Variants in OPCML observed in about 807,000 individuals in gnomAD.
The protein encoded by OPCML is opioid-binding protein/cell adhesion molecule.
In OPCML, 13 loss-of-function variants were observed where a neutral mutation model predicts 37.8. The ratio of observed to expected loss-of-function variants is 0.34; its 90% confidence interval spans 0.22 to 0.55. OPCML has a LOEUF of 0.55. Ranked by LOEUF, OPCML falls within the 20% of genes least tolerant of loss-of-function variation. The pLI, the probability that OPCML is intolerant of heterozygous loss-of-function variation, is 0.91. For missense variants in OPCML, 341 were observed against 435.6 expected, an observed-to-expected ratio of 0.78 and a Z score of 1.93; for synonymous variants, 176 against 168.8, an observed-to-expected ratio of 1.04 and a Z score of -0.33.
intron 1 of OPCML, among the ~76,000 whole-genome samples, chr11:133,269,393 G>T (rs1941754997): frequency 1.3e-5 from 2 of 152,128 alleles, no homozygotes; most frequent in Non-Finnish European, 2.9e-5. Context: ...GAGCCACAAG[G>T]TGCTTCTTTT....
intron 1 of OPCML, among the ~76,000 whole-genome samples, chr11:133,515,541 GA>G (rs1948248937): frequency 6.6e-6 from 1 of 152,216 alleles, no homozygotes; most frequent in Non-Finnish European, 1.5e-5. Context: ...TCAAGTTCGA[GA>G]AGCTAATACA....
At chr11:132,883,692 ATG>A (rs1418967898) in intron 2 of OPCML, among the ~76,000 whole-genome samples, 1 of 152,226 alleles carries the variant, frequency 6.6e-6, no homozygotes, top group South Asian at 2.1e-4. Flanking sequence ...TAACATTATT[ATG>A]TGTCAACTGT....
At chr11:132,802,769 T>A (rs1389551439) in intron 2 of OPCML, among the ~76,000 whole-genome samples, 2 of 152,104 alleles carry the variant, frequency 1.3e-5, no homozygotes, top group South Asian at 4.1e-4. Flanking sequence ...TTTCTCCAGT[T>A]TCCAGGGCCA....
intron 4 of OPCML, among the ~76,000 whole-genome samples, chr11:132,514,682 G>A (rs555347505): frequency 6.6e-6 from 1 of 152,234 alleles, no homozygotes; most frequent in East Asian, 1.9e-4. Flanking sequence ...TGTTCCAACT[G>A]CTTTCATGCC....
chr11:133,284,647 A>G (rs1224132269), intron 1 of OPCML, among the ~76,000 whole-genome samples: 2 of 152,138 alleles, frequency 1.3e-5, no homozygotes, highest in Non-Finnish European at 2.9e-5. Flanking sequence ...TTGTGGTACT[A>G]GGCACAGAAA....
chr11:132,624,690 G>A (rs577206032), intron 3 of OPCML, among the ~76,000 whole-genome samples: 30 of 152,132 alleles, frequency 2.0e-4, no homozygotes, highest in East Asian at 5.8e-4. Flanking sequence ...GTTTCTAGTC[G>A]TAACTCCACA....
At chr11:132,686,000 C>T (rs920741042) in intron 2 of OPCML, among the ~76,000 whole-genome samples, 1 of 152,184 alleles carries the variant, frequency 6.6e-6, no homozygotes, top group African/African-American at 2.4e-5. Context: ...AGTTGTGGGG[C>T]ATGAGGCATG....
chr11:132,756,586 T>C (rs1946056552), intron 2 of OPCML, among the ~76,000 whole-genome samples: 1 of 152,210 alleles, frequency 6.6e-6, no homozygotes, highest in Non-Finnish European at 1.5e-5. Context: ...TTCATGCATA[T>C]AATATTGTGT....
chr11:132,903,847 G>A (rs1250657922), intron 2 of OPCML, among the ~76,000 whole-genome samples: 1 of 152,274 alleles, frequency 6.6e-6, no homozygotes, highest in South Asian at 2.1e-4. Context: ...AAAAATGAGT[G>A]TTTGCATGTG....
intron 1 of OPCML, among the ~76,000 whole-genome samples, chr11:133,336,799 G>A (rs894220869): frequency 2.6e-5 from 4 of 152,194 alleles, no homozygotes; most frequent in African/African-American, 9.6e-5. Flanking sequence ...AAAAGAATGA[G>A]GACTTCTTCC....
chr11:132,424,651 C>T (rs1263807607), intron 7 of OPCML, among the ~76,000 whole-genome samples: 1 of 152,126 alleles, frequency 6.6e-6, no homozygotes, highest in Admixed American at 6.6e-5. Context: ...AATTCTGACC[C>T]TGTGGGTTGC....
chr11:133,003,776 T>C (rs554072689), intron 1 of OPCML: 1 of 985,432 alleles, frequency 1.0e-6, no homozygotes, highest in East Asian at 1.1e-4. Context: ...AGCAGTGGAT[T>C]ACCCAGAGTG....
chr11:133,066,956 G>A (rs1255948768), intron 1 of OPCML: 4 of 152,208 alleles, frequency 2.6e-5, no homozygotes. Flanking sequence ...TGGGATTACA[G>A]ATGTGAGCCA....
At chr11:133,342,472 G>C (rs929712644) in intron 1 of OPCML, among the ~76,000 whole-genome samples, 2 of 152,218 alleles carry the variant, frequency 1.3e-5, no homozygotes, top group African/African-American at 4.8e-5. Flanking sequence ...AACTCATTGA[G>C]AGGCTTCAAC....
In OPCML at chr11:132,436,141, A is replaced by G. The variant is rs1417992458; in HGVS notation, c.861T>C (p.Tyr287=). The change falls in exon 7 of 8, where the codon TAT becomes TAC. Residue 287 remains tyrosine (Y), a synonymous_variant. Transcript: ENST00000524381. Reference sequence around the variant, plus strand: ...CAAGCTTGTTCGTGGCCACACAAGTATAGTTCCCATAATCCTTTTCTGAAA... The same window carrying G: ...CAAGCTTGTTCGTGGCCACACAAGTGTAGTTCCCATAATCCTTTTCTGAAA... The part of the protein sequence containing the change: ...FNVSEKDYGN[Y]TCVATNKLGN... The G allele has an allele frequency of 1.9e-6, 3 of 1,614,208 alleles. No individual in the cohort carries two copies. The highest frequency in any genetic ancestry group is 2.2e-5 in the East Asian group (1 of 44,880).
chr11:132,923,092 A>AAATAAT (rs1555208137), intron 2 of OPCML, among the ~76,000 whole-genome samples: 3 of 148,604 alleles, frequency 2.0e-5, no homozygotes, highest in Non-Finnish European at 4.5e-5. Flanking sequence ...ATAAATAAAT[A>AAATAAT]AATAATAATA....
In OPCML at chr11:132,996,454, T is replaced by TAA. The variant is rs530006546; in HGVS notation, c.62-53446_62-53445dup. ...CAATATGGTGAAACCCCATCTCTAC[T>TAA]AAAAAAAAAAAAAAAATACAAAAAT... On this transcript the variant is annotated intron_variant, in intron 1 of 7. Transcript: ENST00000524381. Among the ~76,000 whole-genome samples the TAA allele has an allele frequency of 7.2e-3, 960 of 132,808 alleles. 28 individuals carry two copies. The highest frequency in any genetic ancestry group is 7.0e-3 in the South Asian group (28 of 3,984). 87.1% of individuals were successfully genotyped at this position (132,808 alleles called of 152,430 possible).
intron 1 of OPCML, among the ~76,000 whole-genome samples, chr11:133,162,746 C>T (rs1204032748): frequency 6.6e-6 from 1 of 152,214 alleles, no homozygotes; most frequent in African/African-American, 2.4e-5. Flanking sequence ...CGTGTTTCCC[C>T]TTCTGCTACG....
intron 3 of OPCML, among the ~76,000 whole-genome samples, chr11:132,583,536 G>A (rs1269907050): frequency 6.6e-6 from 1 of 152,094 alleles, no homozygotes; most frequent in Non-Finnish European, 1.5e-5. Context: ...CTTGACTCAA[G>A]CAATCCTCTC....
Sources: allele counts gnomAD v4.1 joint callset (sites outside exome capture counted in the v4.1 genomes callset), GRCh38; gene constraint gnomAD v4.1.1; transcripts MANE v1.5; gene names NCBI Gene and HGNC (gene_info 2026-07-23, HGNC 2026-07-21).